DNMBP: variants seen among roughly 807,000 people sequenced by gnomAD.
DNMBP encodes dynamin-binding protein.
Under a neutral mutation model 150.0 loss-of-function variants are expected in DNMBP, and 87 were observed. The ratio of observed to expected loss-of-function variants is 0.58; its 90% confidence interval spans 0.49 to 0.69. DNMBP has a LOEUF of 0.69. Among genes scored for constraint, DNMBP ranks in the 30% least tolerant of loss-of-function variants. The pLI, the probability that DNMBP is intolerant of heterozygous loss-of-function variation, is 0.00. For synonymous variants in DNMBP, 711 were observed against 750.4 expected (o/e 0.95, Z 0.86); for missense variants, 1,774 against 1,949.0 (o/e 0.91, Z 1.69).
intron 11 of DNMBP, among the ~76,000 whole-genome samples, chr10:99,891,950 C>T (rs1478409201): frequency 6.7e-6 from 1 of 149,184 alleles, no homozygotes; most frequent in Non-Finnish European, 1.5e-5. Context: ...CCAGCCGCCC[C>T]GTCCGGGAGG....
At chr10:99,971,280 T>G (rs1233792031) in intron 2 of DNMBP, among the ~76,000 whole-genome samples, 1 of 152,096 alleles carries the variant, frequency 6.6e-6, no homozygotes, top group African/African-American at 2.4e-5. Flanking sequence ...ATTTATTGAC[T>G]TGGGCTTCCC....
intron 11 of DNMBP, among the ~76,000 whole-genome samples, chr10:99,891,422 G>A (rs2039557920): frequency 6.6e-6 from 1 of 151,362 alleles, no homozygotes; most frequent in Non-Finnish European, 1.5e-5. Context: ...TGATCCGCCA[G>A]CCTCGGCCTC....
At chr10:99,981,805 A>G (rs1589448550) in intron 1 of DNMBP, among the ~76,000 whole-genome samples, 1 of 152,082 alleles carries the variant, frequency 6.6e-6, no homozygotes, top group South Asian at 2.1e-4. Flanking sequence ...AGGCAGAGGG[A>G]CAGTGAGATT....
intron 1 of DNMBP, among the ~76,000 whole-genome samples, chr10:99,999,385 T>G (rs1248088259): frequency 6.6e-6 from 1 of 152,234 alleles, no homozygotes; most frequent in Admixed American, 6.5e-5. Context: ...TAACAGCACC[T>G]TCCTCGTAAA....
At chr10:99,928,937 A>G (rs1200813763) in intron 4 of DNMBP, among the ~76,000 whole-genome samples, 1 of 152,134 alleles carries the variant, frequency 6.6e-6, no homozygotes, top group African/African-American at 2.4e-5. Context: ...CAAGCCCAGG[A>G]GTTCAAGATC....
At chr10:99,999,754 C>T (rs937068250) in intron 1 of DNMBP, among the ~76,000 whole-genome samples, 4 of 152,186 alleles carry the variant, frequency 2.6e-5, no homozygotes, top group African/African-American at 7.2e-5. Context: ...GTGCTATCCA[C>T]AGTTTCACGT....
At chr10:99,912,992 G>T (rs1447687764) in intron 4 of DNMBP, among the ~76,000 whole-genome samples, 1 of 152,116 alleles carries the variant, frequency 6.6e-6, no homozygotes, top group Admixed American at 6.6e-5. Context: ...AAAAATATCT[G>T]CTCTAAAATT....
At position 99,990,610 on chromosome 10, in the gene DNMBP, T is replaced by TA. The variant is rs34272087; in HGVS notation, c.-10-18477dup. Among the ~76,000 whole-genome samples the TA allele has an allele frequency of 3.3e-3, 344 of 104,188 alleles. 2 individuals carry two copies. Among genetic ancestry groups the TA allele is most frequent in the African/African-American group, 0.01 (260 of 24,950 alleles). 68.4% of individuals were successfully genotyped at this position (104,188 alleles called of 152,430 possible). A position where few individuals can be genotyped will look rare whatever the true frequency, so the allele number is the denominator to read the frequency against. On this transcript the variant is annotated intron_variant, in intron 1 of 16. Coordinates refer to ENST00000324109, the MANE Select transcript of DNMBP (RefSeq NM_015221.4). ...TGACTAAACACCCCAAATTAATGAA[T>TA]AAAAAAAAAAAAAAGGACAAGAAAG...
chr10:99,896,476 A>C (rs764553645), intron 9 of DNMBP, 79 bp from the exon 10 acceptor site: 1 of 1,389,052 alleles, frequency 7.2e-7, no homozygotes, highest in South Asian at 1.2e-5. Flanking sequence ...TGAACACCCA[A>C]ACGGGAGCTA....
chr10:99,987,365 T>C (rs2040839689), intron 1 of DNMBP, among the ~76,000 whole-genome samples: 1 of 151,846 alleles, frequency 6.6e-6, no homozygotes, highest in South Asian at 2.1e-4. Flanking sequence ...AAGAAAATAA[T>C]ATATCCACAT....
At chr10:99,897,130 T>C (rs1468778731) in intron 9 of DNMBP, among the ~76,000 whole-genome samples, 2 of 152,202 alleles carry the variant, frequency 1.3e-5, no homozygotes, top group African/African-American at 4.8e-5. Flanking sequence ...ACAAAAAGGT[T>C]ACACTGTATT....
intron 4 of DNMBP, chr10:99,929,723 C>T: frequency 1.4e-6 from 1 of 702,902 alleles, no homozygotes; most frequent in Non-Finnish European, 2.6e-6. Flanking sequence ...TTTTCTCTTC[C>T]TCTAAATGCC....
At chr10:100,007,992 C>A (rs57482860) in intron 1 of DNMBP, among the ~76,000 whole-genome samples, 17,155 of 152,246 alleles carry the variant, frequency 0.11, 1,332 homozygotes, top group African/African-American at 0.21. Context: ...CAAGCACATT[C>A]GAGAATTTCA....
intron 11 of DNMBP, among the ~76,000 whole-genome samples, chr10:99,892,761 A>G (rs1308157010): frequency 6.6e-6 from 1 of 151,930 alleles, no homozygotes; most frequent in African/African-American, 2.4e-5. Context: ...CAATAAAAAA[A>G]TAAATTAAAA....
At chr10:99,910,432 T>A (rs746634130) in intron 4 of DNMBP, among the ~76,000 whole-genome samples, 14 of 152,226 alleles carry the variant, frequency 9.2e-5, no homozygotes, top group Non-Finnish European at 1.6e-4. Context: ...CCCAGGTACT[T>A]GGGAGGCTGA....
At chr10:99,901,888 G>A (rs1311871287) in intron 6 of DNMBP, among the ~76,000 whole-genome samples, 2 of 152,032 alleles carry the variant, frequency 1.3e-5, no homozygotes, top group East Asian at 1.9e-4. Flanking sequence ...GGAAGTCCCT[G>A]TTCTTGTGCA....
chr10:99,974,390 T>C (rs1189748552), intron 1 of DNMBP, among the ~76,000 whole-genome samples: 1 of 152,208 alleles, frequency 6.6e-6, no homozygotes, highest in Non-Finnish European at 1.5e-5. Flanking sequence ...AGGACATAAG[T>C]AGTGGACATC....
intron 3 of DNMBP, 193 bp from the exon 4 acceptor site, chr10:99,957,398 T>C (rs995637110): frequency 4.9e-6 from 3 of 616,088 alleles, no homozygotes; most frequent in Non-Finnish European, 8.5e-6. Context: ...TTCAGAGTGT[T>C]CCATGGAACC....
At chr10:99,951,250 T>G (rs1171487049) in intron 4 of DNMBP, among the ~76,000 whole-genome samples, 1 of 152,218 alleles carries the variant, frequency 6.6e-6, no homozygotes, top group African/African-American at 2.4e-5. Flanking sequence ...TGGAAATGCC[T>G]GGATGTCCAG....
Sources: gnomAD v4.1 joint callset for allele counts (sites outside exome capture counted in the v4.1 genomes callset) on GRCh38, gnomAD v4.1.1 for gene constraint, MANE v1.5 for transcripts, NCBI Gene and HGNC (gene_info 2026-07-23, HGNC 2026-07-21) for gene names.